Variants in CSNK1A1 observed in about 807,000 individuals in gnomAD.
The protein encoded by CSNK1A1 is casein kinase I isoform alpha.
CSNK1A1 carries 7 observed loss-of-function variants against 46.1 expected under a neutral mutation model. That is an observed-to-expected ratio of 0.15 (90% confidence interval 0.09 to 0.29). CSNK1A1 has a LOEUF of 0.29. Among genes scored for constraint, CSNK1A1 ranks in the 10% least tolerant of loss-of-function variants. The probability of loss-of-function intolerance (pLI) is 1.00; values close to 1 mark genes in which losing one functional copy is unlikely to be tolerated. For missense variants in CSNK1A1, 96 were observed against 417.1 expected (o/e 0.23, Z 6.71); for synonymous variants, 137 against 141.5 (o/e 0.97, Z 0.23).
At position 149,494,692 on chromosome 5, in the gene CSNK1A1, T is replaced by A. The variant is rs1760606897; in HGVS notation, c.*2161A>T. Reference sequence around the variant, plus strand: ...AAGAAAATGAATGGTAGCTAGAAGATCAATGGGATTCCAGCTCCAGCTGCA... The same window carrying A: ...AAGAAAATGAATGGTAGCTAGAAGAACAATGGGATTCCAGCTCCAGCTGCA... On this transcript the variant is annotated 3_prime_UTR_variant, in exon 10 of 10. Coordinates refer to ENST00000377843, the MANE Select transcript of CSNK1A1 (RefSeq NM_001892.6). 1 of 152,206 alleles carries A rather than the reference T, an allele frequency of 6.6e-6. No homozygotes were observed. Among genetic ancestry groups the A allele is most frequent in the Non-Finnish European group, 1.5e-5 (1 of 68,038 alleles). The allele number at this position is 152,206 out of a possible 1,614,324, so 9.4% of individuals were successfully genotyped here. A position where few individuals can be genotyped will look rare whatever the true frequency, so the allele number is the denominator to read the frequency against.
At position 149,496,876 on chromosome 5, in the gene CSNK1A1, A is replaced by C; in HGVS notation, c.1007-16T>G. ...GCTTAGAAACCTGGTAAAAAATCAA[A>C]ACAAAAAAAAAGTTAAAATTCCAAG... is the stretch of plus-strand genomic sequence containing the variant. On this transcript the variant is annotated splice_polypyrimidine_tract_variant and intron_variant, in intron 9 of 9. Coordinates refer to ENST00000377843, the MANE Select transcript of CSNK1A1 (RefSeq NM_001892.6). 1 of 1,542,994 alleles carries C rather than the reference A, an allele frequency of 6.5e-7. No individual in the cohort carries two copies. The highest frequency in any genetic ancestry group is 8.7e-7 in the Non-Finnish European group (1 of 1,147,068).
intron 9 of CSNK1A1, chr5:149,498,151 T>C: frequency 1.0e-6 from 1 of 985,382 alleles, no homozygotes; most frequent in Non-Finnish European, 1.2e-6. Context: ...TTTTAAACAT[T>C]TGTTGGGCCA....
intron 9 of CSNK1A1, chr5:149,497,707 G>A: frequency 1.0e-6 from 1 of 985,430 alleles, no homozygotes; most frequent in Non-Finnish European, 1.2e-6. Flanking sequence ...AGGCACCAAT[G>A]CTCCTTTGTC....
intron 2 of CSNK1A1, among the ~76,000 whole-genome samples, chr5:149,542,818 C>G (rs1436542363): frequency 1.4e-5 from 2 of 147,154 alleles, no homozygotes; most frequent in Non-Finnish European, 3.0e-5. Context: ...GACTCAGCCT[C>G]CCAAGTAGCT....
intron 4 of CSNK1A1, among the ~76,000 whole-genome samples, chr5:149,518,233 G>A (rs1353049519): frequency 6.6e-5 from 10 of 151,840 alleles, no homozygotes; most frequent in Admixed American, 3.3e-4. Context: ...AATATTGTAC[G>A]GGGGAAAAAA....
chr5:149,502,944 T>A lies in CSNK1A1; in HGVS notation c.1006+2503A>T, dbSNP rs559777223. 119 of 667,378 alleles carry A rather than the reference T, an allele frequency of 1.8e-4. 3 individuals are homozygous for A. The South Asian group carries it at 6.8e-3, about 38-fold the overall frequency. 41.3% of individuals were successfully genotyped at this position (667,378 alleles called of 1,614,324 possible). A position where few individuals can be genotyped will look rare whatever the true frequency, so the allele number is the denominator to read the frequency against. On this transcript the variant is annotated intron_variant, in intron 9 of 9. Coordinates refer to ENST00000377843, the MANE Select transcript of CSNK1A1 (RefSeq NM_001892.6). ...CCACCACACCTGGCTAATTTTTGTA[T>A]TTTTTGTAGAGATGGGTTTCCACCA...
chr5:149,501,117 A>G (rs922625681), intron 9 of CSNK1A1: 1 of 985,438 alleles, frequency 1.0e-6, no homozygotes, highest in Non-Finnish European at 1.2e-6. Context: ...CAGTTGTGCT[A>G]TCATCCAGAT....
intron 2 of CSNK1A1, among the ~76,000 whole-genome samples, chr5:149,531,974 C>T (rs1761915043): frequency 2.0e-5 from 3 of 152,076 alleles, no homozygotes; most frequent in African/African-American, 7.2e-5. Context: ...GTCTCTGCCT[C>T]CCAGGTTCAA....
chr5:149,544,901 C>T (rs573668847), intron 2 of CSNK1A1, among the ~76,000 whole-genome samples: 69 of 150,950 alleles, frequency 4.6e-4, no homozygotes, highest in African/African-American at 6.8e-4. Context: ...TTTGGCGGGC[C>T]GAGGTGGGTG....
At position 149,550,108 on chromosome 5, in the gene CSNK1A1, A is replaced by G. The variant is rs1227284437; in HGVS notation, c.197T>C (p.Ile66Thr). The G allele has an allele frequency of 6.2e-7, 1 of 1,613,966 alleles. No individual in the cohort carries two copies. The highest frequency in any genetic ancestry group is 8.5e-7 in the Non-Finnish European group (1 of 1,179,922). The change falls in exon 2 of 10, where the codon ATT becomes ACT. Residue 66 changes from isoleucine (I) to threonine (T), a missense_variant. Coordinates refer to ENST00000377843, the MANE Select transcript of CSNK1A1 (RefSeq NM_001892.6). This position sits in a 1 kb window ranked among gnomAD's most constrained non-coding sequence, Gnocchi z 4.3. Reference sequence around the variant, plus strand: ...GGGGATGCCAACCCCACCTTGAAGAATCTTATAGAGCTTGCTCTCGTACAG... The same window carrying G: ...GGGGATGCCAACCCCACCTTGAAGAGTCTTATAGAGCTTGCTCTCGTACAG... ...QLLYESKLYK[I>T]LQGGVGIPHI...
At chr5:149,530,145 G>A (rs1761848138) in intron 2 of CSNK1A1, among the ~76,000 whole-genome samples, 1 of 152,110 alleles carries the variant, frequency 6.6e-6, no homozygotes, top group African/African-American at 2.4e-5. Flanking sequence ...AACTTAATTA[G>A]GGGCAATCAT....
chr5:149,539,857 C>T (rs573268120), intron 2 of CSNK1A1, among the ~76,000 whole-genome samples: 15 of 152,038 alleles, frequency 9.9e-5, no homozygotes, highest in Non-Finnish European at 1.5e-4. Context: ...CACTTTGACT[C>T]ACATACTTTA....
At chr5:149,501,205 C>T in intron 9 of CSNK1A1, 1 of 985,370 alleles carries the variant, frequency 1.0e-6, no homozygotes, top group African/African-American at 1.7e-5. Context: ...CCAACTCTTG[C>T]ACTTTCATCC....
intron 2 of CSNK1A1, among the ~76,000 whole-genome samples, chr5:149,544,734 G>A (rs1011200982): frequency 1.2e-3 from 34 of 28,090 alleles, no homozygotes; most frequent in Non-Finnish European, 1.3e-3. Flanking sequence ...AGGGTAAAGA[G>A]CTTTATATAT....
Position 149,551,048 on chromosome 5 carries a change from A to C in CSNK1A1, c.-84T>G. 1 of 1,502,628 alleles carries C rather than the reference A, an allele frequency of 6.7e-7. No homozygotes were observed. The highest frequency in any genetic ancestry group is 9.1e-7 in the Non-Finnish European group (1 of 1,097,812). The allele number at this position is 1,502,628 out of a possible 1,614,324, so 93.1% of individuals were successfully genotyped here. On this transcript the variant is annotated 5_prime_UTR_variant, in exon 1 of 10. Coordinates refer to ENST00000377843, the MANE Select transcript of CSNK1A1 (RefSeq NM_001892.6). ...AGGCCTCGGGGCTCCTACACTAGGC[A>C]AGGCTACGGAGGAGGGCGGCAGGAA...
chr5:149,544,559 T>A (rs867073895), intron 2 of CSNK1A1, among the ~76,000 whole-genome samples: 3 of 151,180 alleles, frequency 2.0e-5, no homozygotes, highest in African/African-American at 7.3e-5. Context: ...CAATTTAGAA[T>A]GGAACACACA....
intron 8 of CSNK1A1, among the ~76,000 whole-genome samples, chr5:149,506,130 T>C (rs926078354): frequency 2.0e-5 from 3 of 152,154 alleles, no homozygotes; most frequent in Non-Finnish European, 4.4e-5. Flanking sequence ...TTTCACCATG[T>C]TGGCCAGGCT....
chr5:149,529,038 G>A (rs1340781055), intron 2 of CSNK1A1, among the ~76,000 whole-genome samples: 6 of 152,066 alleles, frequency 3.9e-5, no homozygotes, highest in Non-Finnish European at 8.8e-5. Context: ...GCATATTGCA[G>A]GTACTCAGGT....
At chr5:149,508,135 T>TA (rs998079896) in intron 7 of CSNK1A1, among the ~76,000 whole-genome samples, 24 of 152,324 alleles carry the variant, frequency 1.6e-4, no homozygotes, top group African/African-American at 5.8e-4. Flanking sequence ...ATTGTAGAGT[T>TA]AAAGTTACAA....
Sources: allele counts gnomAD v4.1 joint callset (sites outside exome capture counted in the v4.1 genomes callset), GRCh38; gene constraint gnomAD v4.1.1; non-coding constraint Gnocchi (gnomAD v3.1); transcripts MANE v1.5; gene names NCBI Gene and HGNC (gene_info 2026-07-23, HGNC 2026-07-21).